RTN4R: variants seen among roughly 807,000 people sequenced by gnomAD.
The protein encoded by RTN4R is reticulon-4 receptor.
In RTN4R, 4 loss-of-function variants were observed where a neutral mutation model predicts 27.7. That is an observed-to-expected ratio of 0.14 (90% confidence interval 0.07 to 0.33). The LOEUF is 0.33. RTN4R is among the 10% of genes least tolerant of loss of function. The pLI is 1.00. For synonymous variants in RTN4R, 290 were observed against 305.6 expected, an observed-to-expected ratio of 0.95 and a Z score of 0.53; for missense variants, 554 against 671.5, an observed-to-expected ratio of 0.83 and a Z score of 1.93.
At chr22:20,259,889 G>GC (rs1256013772) in intron 1 of RTN4R, among the ~76,000 whole-genome samples, 1 of 152,210 alleles carries the variant, frequency 6.6e-6, no homozygotes, top group African/African-American at 2.4e-5. Flanking sequence ...CTGCCGCCCA[G>GC]CATGGGACTA....
In RTN4R at chr22:20,242,900, C is replaced by T. The variant is rs774499670; in HGVS notation, c.233G>A (p.Arg78His). 1.5e-5 allele frequency: 24 copies of T among 1,612,236 alleles called. No homozygotes were observed. The highest frequency in any genetic ancestry group is 6.7e-5 in the African/African-American group (5 of 74,916). The change falls in exon 2 of 2, where the codon CGT becomes CAT. Residue 78 changes from arginine to histidine, a missense_variant. Coordinates refer to ENST00000043402, the MANE Select transcript of RTN4R (RefSeq NM_023004.6). ...RISHVPAASF[R>H]ACRNLTILWL... is the part of the protein sequence containing the mutation. ...CAGGATGGTGAGGTTGCGGCAGGCA[C>T]GGAAGCTGGCAGCTGGCACATGCGA...
intron 1 of RTN4R, among the ~76,000 whole-genome samples, chr22:20,261,593 C>T (rs1312448033): frequency 6.6e-6 from 1 of 152,234 alleles, no homozygotes; most frequent in East Asian, 1.9e-4. Flanking sequence ...GCCAACTGAT[C>T]TGCACCTAAC....
chr22:20,242,816 A>C lies in RTN4R; in HGVS notation c.317T>G (p.Leu106Arg). The C allele has an allele frequency of 2.5e-6, 4 of 1,612,968 alleles. No individual in the cohort carries two copies. The highest frequency in any genetic ancestry group is 3.4e-6 in the Non-Finnish European group (4 of 1,179,932). ...ATCGCTGAGGTCCAGCTGCTCCAGG[A>C]GGGCCAGGCCAGTGAAGGCAGCCGC... ...IDAAAFTGLA[L>R]LEQLDLSDNA... Residue 106 changes from leucine to arginine, a missense_variant, in exon 2 of 2, where the codon CTC (leucine) becomes CGC (arginine). Around this residue, in one of 2 missense-constraint regions of RTN4R, gnomAD observed 413 missense variants for 542.3 expected, o/e 0.76. Coordinates refer to ENST00000043402, the MANE Select transcript of RTN4R (RefSeq NM_023004.6).
chr22:20,260,115 C>T (rs2051236338), intron 1 of RTN4R, among the ~76,000 whole-genome samples: 1 of 152,278 alleles, frequency 6.6e-6, no homozygotes, highest in Admixed American at 6.5e-5. Context: ...TCCCCCATGG[C>T]CCCAGCGGGT....
chr22:20,266,584 C>T (rs2051277906), intron 1 of RTN4R, among the ~76,000 whole-genome samples: 1 of 152,222 alleles, frequency 6.6e-6, no homozygotes, highest in Admixed American at 6.5e-5. Context: ...ACAGTGTTGA[C>T]CTCATGGCCT....
chr22:20,263,833 G>A (rs1302778766), intron 1 of RTN4R, among the ~76,000 whole-genome samples: 2 of 152,270 alleles, frequency 1.3e-5, no homozygotes, highest in African/African-American at 4.8e-5. Context: ...GCGGAACAGT[G>A]TCAGCATCAC....
At chr22:20,243,731 C>T (rs935657906) in intron 1 of RTN4R, 5 of 348,374 alleles carry the variant, frequency 1.4e-5, no homozygotes, top group Non-Finnish European at 2.4e-5. Context: ...CCTCCTGAAG[C>T]CTCCGCCCCC....
intron 1 of RTN4R, among the ~76,000 whole-genome samples, chr22:20,254,928 C>T (rs779996322): frequency 1.1e-4 from 16 of 152,302 alleles, no homozygotes; most frequent in Non-Finnish European, 1.8e-4. Context: ...ACCCATCCCA[C>T]GGCAGGATTG....
chr22:20,265,557 G>C (rs937131699), intron 1 of RTN4R, among the ~76,000 whole-genome samples: 3 of 152,194 alleles, frequency 2.0e-5, no homozygotes, highest in African/African-American at 7.2e-5. Flanking sequence ...AGGCTCAGGG[G>C]TTCCACAGAC....
rs761761005 is a variant in RTN4R at position 20,242,821 on chromosome 22, C to T, written c.312G>A (p.Leu104=). Residue 104 remains leucine (L), a synonymous_variant, in exon 2 of 2, where the codon CTG becomes CTA. Transcript: ENST00000043402. ...TGAGGTCCAGCTGCTCCAGGAGGGCCAGGCCAGTGAAGGCAGCCGCATCAA... is the reference window on the plus strand; with the variant it reads ...TGAGGTCCAGCTGCTCCAGGAGGGCTAGGCCAGTGAAGGCAGCCGCATCAA... ...ARIDAAAFTG[L]ALLEQLDLSD... is the part of the protein sequence containing the mutation. 2 of 1,612,932 alleles carry T rather than the reference C, an allele frequency of 1.2e-6. No individual in the cohort carries two copies. Among genetic ancestry groups the T allele is most frequent in the East Asian group, 4.5e-5 (2 of 44,890 alleles).
intron 1 of RTN4R, among the ~76,000 whole-genome samples, chr22:20,252,926 A>C (rs2145979154): frequency 6.6e-6 from 1 of 152,166 alleles, no homozygotes; most frequent in Non-Finnish European, 1.5e-5. Context: ...GACCCCAAAG[A>C]AACCCCACCC....
chr22:20,243,396 G>A (rs769478259), intron 1 of RTN4R: 34 of 674,188 alleles, frequency 5.0e-5, no homozygotes, highest in South Asian at 4.2e-4. Context: ...GGGTCACCAG[G>A]GGCACTCACT....
At chr22:20,257,879 C>A (rs1420280106) in intron 1 of RTN4R, among the ~76,000 whole-genome samples, 7 of 152,292 alleles carry the variant, frequency 4.6e-5, no homozygotes, top group Middle Eastern at 3.4e-3. Flanking sequence ...ACGTGATCGG[C>A]CCTGCAGGGC....
At chr22:20,260,212 C>T (rs551326602) in intron 1 of RTN4R, among the ~76,000 whole-genome samples, 15 of 152,232 alleles carry the variant, frequency 9.9e-5, no homozygotes, top group Middle Eastern at 3.4e-3. Context: ...GTAGCCCCCA[C>T]GGGAGCCCCA....
chr22:20,265,246 G>C (rs1470889442), intron 1 of RTN4R, among the ~76,000 whole-genome samples: 1 of 152,212 alleles, frequency 6.6e-6, no homozygotes, highest in East Asian at 1.9e-4. Context: ...GGGAGGGGGA[G>C]AGCACGGTCC....
Position 20,249,142 on chromosome 22 carries a change from C to T in RTN4R, c.23-6032G>A, listed in dbSNP as rs747707153. 8 of 534,290 alleles carry T rather than the reference C, an allele frequency of 1.5e-5. No homozygotes were observed. The Admixed American group carries it at 1.6e-4, about 10-fold the overall frequency. The allele number at this position is 534,290 out of a possible 1,614,324, so 33.1% of individuals were successfully genotyped here. A position where few individuals can be genotyped will look rare whatever the true frequency, so the allele number is the denominator to read the frequency against. Reference sequence around the variant, plus strand: ...AATTATCTGGAGAATCCTGTCTCCACCAAGGGCTCATCTTGGTCCTGCAGC... The same window carrying T: ...AATTATCTGGAGAATCCTGTCTCCATCAAGGGCTCATCTTGGTCCTGCAGC... On this transcript the variant is annotated intron_variant, in intron 1 of 1. Transcript: ENST00000043402.
chr22:20,250,413 CACAA>C (rs1305989884), intron 1 of RTN4R, among the ~76,000 whole-genome samples: 11 of 152,270 alleles, frequency 7.2e-5, no homozygotes, highest in Non-Finnish European at 1.6e-4. Context: ...ACACCATTCA[CACAA>C]ACAGTTTGCC....
At chr22:20,261,720 C>T (rs2051248445) in intron 1 of RTN4R, among the ~76,000 whole-genome samples, 1 of 152,252 alleles carries the variant, frequency 6.6e-6, no homozygotes. Context: ...CCTGGGCCCT[C>T]CCTCCCTGCC....
At chr22:20,267,648 TG>T in intron 1 of RTN4R, 1 of 467,056 alleles carries the variant, frequency 2.1e-6, no homozygotes, top group South Asian at 1.6e-5. Flanking sequence ...ACCGTGAGGC[TG>T]GGGTGGAGGC....
Sources: allele counts gnomAD v4.1 joint callset (sites outside exome capture counted in the v4.1 genomes callset), GRCh38; gene constraint gnomAD v4.1.1; regional missense constraint gnomAD v4.1.1; transcripts MANE v1.5; gene names NCBI Gene and HGNC (gene_info 2026-07-23, HGNC 2026-07-21).